The following D2HGDH variants were observed in gnomAD, a reference collection of about 807,000 sequenced individuals.
D2HGDH encodes D-2-hydroxyglutarate dehydrogenase, mitochondrial.
A neutral mutation model predicts 46.9 loss-of-function variants in D2HGDH; 31 were observed. The ratio of observed to expected loss-of-function variants is 0.66; its 90% CI spans 0.50 to 0.89. The LOEUF (loss-of-function observed/expected upper bound fraction) is 0.89, where lower values mean the gene tolerates loss of function less well. D2HGDH is among the 40% of genes least tolerant of loss of function. The pLI is 0.00. For missense variants in D2HGDH, 698 were observed against 720.8 expected, an observed-to-expected ratio of 0.97 and a Z score of 0.36; for synonymous variants, 364 against 332.6, an observed-to-expected ratio of 1.09 and a Z score of -1.03.
chr2:241,751,150 A>C (rs1207414620), intron 7 of D2HGDH, 96 bp from the exon 8 acceptor site: 1 of 1,538,952 alleles, frequency 6.5e-7, no homozygotes, highest in Admixed American at 1.7e-5. Context: ...ACGAAAGATC[A>C]GTGGTTGCTA....
chr2:241,756,850 G>C (rs2125160369), intron 9 of D2HGDH, among the ~76,000 whole-genome samples: 1 of 152,230 alleles, frequency 6.6e-6, no homozygotes, highest in Non-Finnish European at 1.5e-5. Context: ...TGGAGCCTTG[G>C]AGCGAGGTGT....
At chr2:241,749,671 C>T (rs752100180) in intron 6 of D2HGDH, 12 of 324,710 alleles carry the variant, frequency 3.7e-5, no homozygotes, top group Middle Eastern at 1.1e-3. Flanking sequence ...TCCCAAGATA[C>T]GCCCCCTCTG....
At chr2:241,759,320 C>T (rs1334714566) in intron 9 of D2HGDH, among the ~76,000 whole-genome samples, 1 of 152,174 alleles carries the variant, frequency 6.6e-6, no homozygotes, top group Non-Finnish European at 1.5e-5. Flanking sequence ...TGTAGCTTTG[C>T]CAGTTCTGGA....
intron 9 of D2HGDH, among the ~76,000 whole-genome samples, chr2:241,763,156 T>A (rs1430357973): frequency 6.6e-6 from 1 of 152,010 alleles, no homozygotes; most frequent in South Asian, 2.1e-4. Flanking sequence ...GGGAATACAG[T>A]TGGGTGTTGC....
intron 8 of D2HGDH, among the ~76,000 whole-genome samples, chr2:241,751,680 T>C (rs1199726400): frequency 6.6e-6 from 1 of 152,206 alleles, no homozygotes; most frequent in Non-Finnish European, 1.5e-5. Flanking sequence ...CTGCAGCCTG[T>C]GGTTAAGCGG....
chr2:241,759,823 T>G (rs1473977322), intron 9 of D2HGDH, among the ~76,000 whole-genome samples: 2 of 152,270 alleles, frequency 1.3e-5, no homozygotes, highest in Non-Finnish European at 2.9e-5. Context: ...GGTTTGAGGT[T>G]AATCAGAGTC....
At chr2:241,762,448 T>G (rs1575338296) in intron 9 of D2HGDH, among the ~76,000 whole-genome samples, 1 of 151,878 alleles carries the variant, frequency 6.6e-6, no homozygotes, top group Admixed American at 6.6e-5. Context: ...TGGCCGGGAG[T>G]CGGCCAGATG....
chr2:241,756,498 C>T (rs780654850), intron 9 of D2HGDH, among the ~76,000 whole-genome samples: 1 of 152,202 alleles, frequency 6.6e-6, no homozygotes, highest in Non-Finnish European at 1.5e-5. Context: ...GCTATTAATT[C>T]ATAGGAAGAA....
At chr2:241,750,379 T>TGGGCGGGGGGGGCCC in intron 7 of D2HGDH, 85 bp downstream of exon 7, 1 of 301,970 alleles carries the variant, frequency 3.3e-6, no homozygotes, top group Non-Finnish European at 5.0e-6. Context: ...AGACCCCGGG[T>TGGGCGGGGGGGGCCC]GGGCGGGGGG....
In D2HGDH at chr2:241,735,230, G is replaced by GC. The variant is rs1692428076; in HGVS notation, c.10dup (p.Arg4ProfsTer61). 1 of 1,512,706 alleles carries GC rather than the reference G, an allele frequency of 6.6e-7. No homozygotes were observed. The highest frequency in any genetic ancestry group is 1.4e-5 in the African/African-American group (1 of 69,692). The allele number at this position is 1,512,706 out of a possible 1,614,324, so 93.7% of individuals were successfully genotyped here. ...AGGTCTCCGTCCCGGCGGCGATGCT[G>GC]CCCCGTCGGCCTCTGGCGTGGCCCG... On this transcript the variant is annotated frameshift_variant, in exon 2 of 10. Coordinates refer to ENST00000321264, the MANE Select transcript of D2HGDH (RefSeq NM_152783.5). LOFTEE classifies it high-confidence loss of function.
chr2:241,739,075 C>T (rs1442596274), intron 2 of D2HGDH, among the ~76,000 whole-genome samples: 2 of 152,190 alleles, frequency 1.3e-5, no homozygotes, highest in South Asian at 2.1e-4. Flanking sequence ...CAGGCTGGGC[C>T]CCTGTGTCAC....
intron 2 of D2HGDH, among the ~76,000 whole-genome samples, chr2:241,738,752 G>C (rs1033511308): frequency 3.3e-5 from 5 of 152,236 alleles, no homozygotes; most frequent in Non-Finnish European, 7.3e-5. Context: ...GCCTGTGGGA[G>C]GGCGCCTTCC....
chr2:241,759,976 A>G (rs1341509900), intron 9 of D2HGDH, among the ~76,000 whole-genome samples: 1 of 152,254 alleles, frequency 6.6e-6, no homozygotes, highest in African/African-American at 2.4e-5. Flanking sequence ...AAATCAGTAG[A>G]CGTTGAGTAC....
intron 9 of D2HGDH, among the ~76,000 whole-genome samples, chr2:241,764,566 C>A (rs999346787): frequency 1.3e-5 from 2 of 152,222 alleles, no homozygotes; most frequent in Non-Finnish European, 2.9e-5. Context: ...GAAGCTGCCT[C>A]GACCTTTGTC....
At chr2:241,762,660 A>C (rs1698936173) in intron 9 of D2HGDH, among the ~76,000 whole-genome samples, 1 of 151,932 alleles carries the variant, frequency 6.6e-6, no homozygotes, top group African/African-American at 2.4e-5. Flanking sequence ...CCCGCCTCTC[A>C]GGTTTGGATG....
At chr2:241,744,428 G>A (rs1695337598) in intron 5 of D2HGDH, among the ~76,000 whole-genome samples, 1 of 152,364 alleles carries the variant, frequency 6.6e-6, no homozygotes, top group Middle Eastern at 3.4e-3. Context: ...CAGCTCGGGA[G>A]CTTTGATGCC....
Position 241,742,530 on chromosome 2 carries a change from C to T in D2HGDH, c.446C>T (p.Ser149Phe), listed in dbSNP as rs1314210286. The change falls in exon 4 of 10, where the codon TCC (serine) becomes TTC (phenylalanine). Residue 149 changes from serine (S) to phenylalanine (F), a missense_variant. Physicochemically the swap from Ser to Phe is radical, Grantham distance 155. Coordinates refer to ENST00000321264, the MANE Select transcript of D2HGDH (RefSeq NM_152783.5). The surrounding 1 kb of genome is among the most constrained non-coding windows in gnomAD (Gnocchi z 4.8). Reference sequence around the variant, plus strand: ...CCCGTCTTTGACGAGATCATCCTCTCCACTGCCCGCATGAACCGGGTCCTC... The same window carrying T: ...CCCGTCTTTGACGAGATCATCCTCTTCACTGCCCGCATGAACCGGGTCCTC... ...SVPVFDEIIL[S>F]TARMNRVLSF... 2 of 1,614,016 alleles carry T rather than the reference C, an allele frequency of 1.2e-6. No individual in the cohort carries two copies. The highest frequency in any genetic ancestry group is 2.2e-5 in the South Asian group (2 of 91,090).
chr2:241,745,629 A>G (rs1038051670), intron 6 of D2HGDH, among the ~76,000 whole-genome samples: 3 of 151,962 alleles, frequency 2.0e-5, no homozygotes, highest in Non-Finnish European at 4.4e-5. Context: ...ATTTTAAGCA[A>G]TCTCACCAGG....
Position 241,750,224 on chromosome 2 carries a change from A to G in D2HGDH, c.927A>G (p.Ala309=), listed in dbSNP as rs1294214505. 2.5e-6 allele frequency: 4 copies of G among 1,614,076 alleles called. No individual in the cohort carries two copies. The highest frequency in any genetic ancestry group is 3.4e-6 in the Non-Finnish European group (4 of 1,180,032). ...CKGMLGEILS[A]FEFMDAVCMQ... ...GGATGCTGGGTGAGATCCTGTCTGC[A>G]TTCGAGTTCATGGATGCTGTGTGCA... The change falls in exon 7 of 10, where the codon GCA becomes GCG. Residue 309 remains alanine (A), a synonymous_variant. Transcript: ENST00000321264.
Sources: allele counts gnomAD v4.1 joint callset (sites outside exome capture counted in the v4.1 genomes callset), GRCh38; gene constraint gnomAD v4.1.1; non-coding constraint Gnocchi (gnomAD v3.1); transcripts MANE v1.5; gene names NCBI Gene and HGNC (gene_info 2026-07-23, HGNC 2026-07-21).